SLC4A8: variants seen among roughly 807,000 people sequenced by gnomAD.
The protein encoded by SLC4A8 is solute carrier family 4 member 8, also known as electroneutral sodium bicarbonate exchanger 1.
A neutral mutation model predicts 125.0 loss-of-function variants in SLC4A8; 40 were observed. The observed-to-expected ratio is 0.32, with a 90% confidence interval of 0.25 to 0.42. SLC4A8 has a LOEUF of 0.42. Among genes scored for constraint, SLC4A8 ranks in the 10% least tolerant of loss-of-function variants. The pLI is 1.00. For synonymous variants in SLC4A8, 456 were observed against 476.0 expected, an observed-to-expected ratio of 0.96 and a Z score of 0.55; for missense variants, 863 against 1,355.1, an observed-to-expected ratio of 0.64 and a Z score of 5.70.
At position 51,508,565 on chromosome 12, in the gene SLC4A8, C is replaced by T. The variant is rs1234115962; in HGVS notation, c.*1127C>T. The stretch of plus-strand genomic sequence containing the variant: ...ACCTTCAGCCATGTGGTTTCTTCAT[C>T]ATCATGGATTTCTTTTGGTTGACAA... On this transcript the variant is annotated 3_prime_UTR_variant, in exon 25 of 25. Coordinates refer to ENST00000453097, the MANE Select transcript of SLC4A8 (RefSeq NM_001039960.3). 1 of 152,632 alleles carries T rather than the reference C, an allele frequency of 6.6e-6. No individual in the cohort carries two copies. Among genetic ancestry groups the T allele is most frequent in the African/African-American group, 2.4e-5 (1 of 41,452 alleles). 9.5% of individuals were successfully genotyped at this position (152,632 alleles called of 1,614,324 possible). A position where few individuals can be genotyped will look rare whatever the true frequency, so the allele number is the denominator to read the frequency against.
chr12:51,499,481 G>A (rs1283364431), intron 22 of SLC4A8, among the ~76,000 whole-genome samples: 1 of 152,028 alleles, frequency 6.6e-6, no homozygotes, highest in Non-Finnish European at 1.5e-5. Context: ...TCCTTACTCT[G>A]TTGGTCACTG....
At chr12:51,412,446 C>T (rs1256079970) in intron 1 of SLC4A8, among the ~76,000 whole-genome samples, 1 of 152,120 alleles carries the variant, frequency 6.6e-6, no homozygotes, top group Non-Finnish European at 1.5e-5. Flanking sequence ...TATTTCAAAT[C>T]TTCTCTTCTA....
chr12:51,440,830 G>GGGCA (rs1949571628), intron 2 of SLC4A8, 41 bp downstream of exon 2: 1 of 1,526,792 alleles, frequency 6.5e-7, no homozygotes, highest in Non-Finnish European at 8.9e-7. Flanking sequence ...AATTGGTGAG[G>GGGCA]GGCAGCCTGG....
chr12:51,430,095 A>G (rs1374042143), intron 1 of SLC4A8, among the ~76,000 whole-genome samples: 1 of 152,082 alleles, frequency 6.6e-6, no homozygotes, highest in Non-Finnish European at 1.5e-5. Context: ...TTGGGCAATT[A>G]CCAAGGCTTT....
intron 1 of SLC4A8, among the ~76,000 whole-genome samples, chr12:51,409,425 A>G (rs1438004614): frequency 3.3e-5 from 5 of 152,156 alleles, no homozygotes; most frequent in Non-Finnish European, 5.9e-5. Context: ...TGATTTTTGC[A>G]TAATATTCTT....
intron 1 of SLC4A8, among the ~76,000 whole-genome samples, chr12:51,429,742 C>G (rs1157894918): frequency 3.3e-5 from 5 of 151,832 alleles, no homozygotes; most frequent in African/African-American, 1.2e-4. Flanking sequence ...TCCCTGGTCT[C>G]AAGCGATCCT....
At position 51,470,424 on chromosome 12, in the gene SLC4A8, G is replaced by A; in HGVS notation, c.1557G>A (p.Met519Ile). 1 of 1,614,016 alleles carries A rather than the reference G, an allele frequency of 6.2e-7. No homozygotes were observed. Among genetic ancestry groups the A allele is most frequent in the Non-Finnish European group, 8.5e-7 (1 of 1,179,886 alleles). ...SAIESLFGAS[M>I]TGIAYSLFAG... ...TTGAATCCTTGTTTGGAGCTTCCATGACTGGGATTGCTTATTCCTTGTTTG... is the reference window on the plus strand; with the variant it reads ...TTGAATCCTTGTTTGGAGCTTCCATAACTGGGATTGCTTATTCCTTGTTTG... Residue 519 changes from methionine to isoleucine, a missense_variant, in exon 13 of 25, where the codon ATG becomes ATA. This residue lies in a region of SLC4A8 where 390 missense variants were observed against 634.4 expected (regional missense o/e 0.61). Coordinates refer to ENST00000453097, the MANE Select transcript of SLC4A8 (RefSeq NM_001039960.3).
intron 23 of SLC4A8, among the ~76,000 whole-genome samples, chr12:51,505,239 A>G (rs1938116383): frequency 6.6e-6 from 1 of 152,154 alleles, no homozygotes; most frequent in Admixed American, 6.5e-5. Context: ...GCAAACATCA[A>G]ACTATTCTGT....
chr12:51,453,684 A>G lies in SLC4A8; in HGVS notation c.559A>G (p.Ile187Val), dbSNP rs777593474. ...CCTCCTGGATATGCATGCAAATAGC[A>G]TAGAAGAAATTTCAGGTAAGGTTGG... ...TVLLDMHANS[I>V]EEISDLILDQ... Residue 187 changes from isoleucine (I) to valine (V), a missense_variant, in exon 5 of 25, where the codon ATA becomes GTA. Coordinates refer to ENST00000453097, the MANE Select transcript of SLC4A8 (RefSeq NM_001039960.3). 3.1e-6 allele frequency: 5 copies of G among 1,612,888 alleles called. No individual in the cohort carries two copies. In the African/African-American group the frequency reaches 5.3e-5, roughly 17 times the overall value.
intron 16 of SLC4A8, among the ~76,000 whole-genome samples, chr12:51,476,374 G>A (rs908450660): frequency 2.0e-5 from 3 of 152,022 alleles, no homozygotes; most frequent in Admixed American, 1.3e-4. Flanking sequence ...CCAGCTACTC[G>A]GGAGGCTGAG....
intron 22 of SLC4A8, chr12:51,502,127 C>A (rs1468384732): frequency 2.6e-5 from 4 of 152,128 alleles, no homozygotes; most frequent in Non-Finnish European, 5.9e-5. Flanking sequence ...GGGAGAACTA[C>A]AAAACATTGC....
intron 11 of SLC4A8, 131 bp from the exon 12 acceptor site, chr12:51,469,483 A>C: frequency 1.4e-6 from 1 of 698,246 alleles, no homozygotes; most frequent in Non-Finnish European, 2.4e-6. Flanking sequence ...AGTTATCTGT[A>C]CTGGGGTCAA....
intron 1 of SLC4A8, among the ~76,000 whole-genome samples, chr12:51,415,520 G>A (rs1948671073): frequency 6.6e-6 from 1 of 152,028 alleles, no homozygotes; most frequent in African/African-American, 2.4e-5. Context: ...TTCCAATTGT[G>A]AGCTTTACTT....
intron 1 of SLC4A8, among the ~76,000 whole-genome samples, chr12:51,432,410 CAA>C (rs33965654): frequency 5.4e-5 from 5 of 92,028 alleles, no homozygotes; most frequent in Admixed American, 2.6e-4. Flanking sequence ...GACTCCGCCT[CAA>C]AAAAAAAAAA....
intron 17 of SLC4A8, among the ~76,000 whole-genome samples, chr12:51,486,772 C>G (rs1250393666): frequency 6.6e-6 from 1 of 152,196 alleles, no homozygotes. Flanking sequence ...TTTCCTTTCT[C>G]TTTTTTCTCT....
chr12:51,495,762 A>C (rs1951446007), intron 21 of SLC4A8, among the ~76,000 whole-genome samples: 1 of 152,056 alleles, frequency 6.6e-6, no homozygotes, highest in Non-Finnish European at 1.5e-5. Context: ...GATTACAGAC[A>C]TGAGCCACTG....
intron 1 of SLC4A8, among the ~76,000 whole-genome samples, chr12:51,437,353 A>G (rs11836911): frequency 0.012 from 1,780 of 152,312 alleles, 34 homozygotes; most frequent in African/African-American, 0.04. Context: ...AAATATGTTG[A>G]AATGTAATCC....
intron 1 of SLC4A8, among the ~76,000 whole-genome samples, chr12:51,410,582 C>T (rs1163183204): frequency 6.6e-6 from 1 of 151,990 alleles, no homozygotes; most frequent in African/African-American, 2.4e-5. Flanking sequence ...CTCAGCCTCC[C>T]GAATAGCTGG....
intron 1 of SLC4A8, among the ~76,000 whole-genome samples, chr12:51,395,257 G>A (rs1427390739): frequency 6.6e-6 from 1 of 152,066 alleles, no homozygotes; most frequent in South Asian, 2.1e-4. Context: ...GTTCCCATAA[G>A]CGCTTCTGCA....
Sources: allele counts gnomAD v4.1 joint callset (sites outside exome capture counted in the v4.1 genomes callset), GRCh38; gene constraint gnomAD v4.1.1; regional missense constraint gnomAD v4.1.1; transcripts MANE v1.5; gene names NCBI Gene and HGNC (gene_info 2026-07-23, HGNC 2026-07-21).